Variants in MICAL2 observed in about 807,000 individuals in gnomAD.
MICAL2 encodes microtubule associated monooxygenase, calponin and LIM domain containing 2.
In MICAL2, 77 loss-of-function variants were observed where a neutral mutation model predicts 127.3. That is an observed-to-expected ratio of 0.60 (90% CI 0.50 to 0.73). The LOEUF (loss-of-function observed/expected upper bound fraction) is 0.73. MICAL2 is among the 30% of genes least tolerant of loss of function. The pLI, the probability that MICAL2 is intolerant of heterozygous loss-of-function variation, is 0.00. For synonymous variants in MICAL2, 570 were observed against 551.1 expected (o/e 1.03, Z -0.48); for missense variants, 1,351 against 1,434.4 (o/e 0.94, Z 0.94).
chr11:12,331,869 A>G (rs576709947), intron 32 of MICAL2, among the ~76,000 whole-genome samples: 5 of 152,354 alleles, frequency 3.3e-5, no homozygotes, highest in African/African-American at 1.2e-4. Context: ...CCCTATTATT[A>G]TAAAACACAG....
intron 32 of MICAL2, among the ~76,000 whole-genome samples, chr11:12,328,232 G>C (rs1009628223): frequency 3.9e-5 from 6 of 152,166 alleles, no homozygotes; most frequent in African/African-American, 1.4e-4. Flanking sequence ...TCTACCTTGA[G>C]AAGTTTATAG....
At chr11:12,339,279 G>A (rs1465482769) in intron 32 of MICAL2, among the ~76,000 whole-genome samples, 3 of 152,114 alleles carry the variant, frequency 2.0e-5, no homozygotes, top group Non-Finnish European at 2.9e-5. Flanking sequence ...CGTAGTTCTC[G>A]TGCCGTGGTT....
chr11:12,248,418 T>C (rs1590626858), intron 21 of MICAL2, among the ~76,000 whole-genome samples: 2 of 152,350 alleles, frequency 1.3e-5, no homozygotes, highest in South Asian at 2.1e-4. Context: ...ACTTTCGCTC[T>C]TCCAGAAGGG....
chr11:12,319,789 C>A (rs1197067492), exon 30 of MICAL2: 1 of 1,613,820 alleles, frequency 6.2e-7, no homozygotes, highest in Non-Finnish European at 8.5e-7. Context: ...GAATTTGATC[C>A]CCAGCTTTCC....
At chr11:12,116,728 A>G (rs1346962901) in intron 1 of MICAL2, 1 of 152,174 alleles carries the variant, frequency 6.6e-6, no homozygotes, top group Non-Finnish European at 1.5e-5. Flanking sequence ...TGGGTCAACC[A>G]TGGGGTCTGA....
intron 32 of MICAL2, among the ~76,000 whole-genome samples, chr11:12,328,239 A>G (rs1201309045): frequency 2.0e-5 from 3 of 152,218 alleles, no homozygotes; most frequent in Non-Finnish European, 4.4e-5. Context: ...TGAGAAGTTT[A>G]TAGTCCATTG....
chr11:12,150,977 C>T (rs754052226), intron 2 of MICAL2, among the ~76,000 whole-genome samples: 8 of 152,204 alleles, frequency 5.3e-5, no homozygotes, highest in South Asian at 2.1e-4. Context: ...GTGGGCTCAG[C>T]GCTGTGAGAG....
At chr11:12,125,971 C>T (rs1281726732) in intron 1 of MICAL2, among the ~76,000 whole-genome samples, 1 of 152,128 alleles carries the variant, frequency 6.6e-6, no homozygotes, top group Non-Finnish European at 1.5e-5. Flanking sequence ...TGAGTCAGGG[C>T]TCTGCAGCCT....
At chr11:12,218,828 C>T (rs1030644188) in intron 8 of MICAL2, among the ~76,000 whole-genome samples, 3 of 152,174 alleles carry the variant, frequency 2.0e-5, no homozygotes, top group African/African-American at 2.4e-5. Flanking sequence ...GCTGTAAATG[C>T]GGCACTCTGT....
chr11:12,241,104 C>G lies in MICAL2; in HGVS notation c.2279C>G (p.Ser760Cys). 1 of 1,614,202 alleles carries G rather than the reference C, an allele frequency of 6.2e-7. No individual in the cohort carries two copies. Among genetic ancestry groups the G allele is most frequent in the African/African-American group, 1.3e-5 (1 of 75,058 alleles). The change falls in exon 18 of 28, where the codon TCT (serine) becomes TGT (cysteine). Residue 760 changes from serine (S) to cysteine (C), a missense_variant. By Grantham distance (112) the Ser-to-Cys change is moderately radical. Around this residue, in one of 2 missense-constraint regions of MICAL2, gnomAD observed 752 missense variants for 719.4 expected, o/e 1.05. Transcript: ENST00000683283. ...TCTTCCTCCGGCCCTCCTGTTCACT[C>G]TTGCTGCCCCAAGCCGGAGGAGGCC... ...LCSSSGPPVH[S>C]CCPKPEEATP...
At chr11:12,356,068 A>C (rs1939123124) in intron 34 of MICAL2, among the ~76,000 whole-genome samples, 2 of 152,188 alleles carry the variant, frequency 1.3e-5, no homozygotes, top group Non-Finnish European at 2.9e-5. Flanking sequence ...CAGATTTGAA[A>C]AGTTTAATTT....
chr11:12,292,324 G>C, downstream of MICAL2: 1 of 1,612,978 alleles, frequency 6.2e-7, no homozygotes, highest in Non-Finnish European at 8.5e-7. Context: ...GTCCTGCCCA[G>C]GTGTCAGGAA....
intron 30 of MICAL2, among the ~76,000 whole-genome samples, chr11:12,320,664 C>A (rs1864282929): frequency 6.6e-6 from 1 of 151,848 alleles, no homozygotes; most frequent in South Asian, 2.1e-4. Flanking sequence ...AGGAGGAGAA[C>A]CAAATTTATT....
Position 12,216,181 on chromosome 11 carries a change from G to A in MICAL2, c.848-38G>A, listed in dbSNP as rs377109337. The A allele has an allele frequency of 4.4e-5, 65 of 1,473,864 alleles. No individual in the cohort carries two copies. The African/African-American group carries it at 8.2e-4, about 19-fold the overall frequency. 91.3% of individuals were successfully genotyped at this position (1,473,864 alleles called of 1,614,324 possible). On this transcript the variant is annotated intron_variant, in intron 7 of 27. Transcript: ENST00000683283. The stretch of plus-strand genomic sequence containing the variant: ...GTTCCTGGCACACAGTTGGTGCCGA[G>A]GAAGTAACACTGAGCTTGTGAATGC...
chr11:12,115,583 T>C (rs1849943453), intron 1 of MICAL2, among the ~76,000 whole-genome samples: 1 of 152,202 alleles, frequency 6.6e-6, no homozygotes, highest in Admixed American at 6.5e-5. Context: ...CCTTCCAAAG[T>C]ACTGGGATCA....
intron 29 of MICAL2, among the ~76,000 whole-genome samples, chr11:12,300,342 G>T (rs11022282): frequency 4.6e-5 from 7 of 152,294 alleles, no homozygotes; most frequent in African/African-American, 1.2e-4. Flanking sequence ...ACATAAATAT[G>T]ATGGATTTCA....
intron 15 of MICAL2, among the ~76,000 whole-genome samples, chr11:12,228,611 C>T (rs1187486027): frequency 1.3e-5 from 2 of 152,092 alleles, no homozygotes; most frequent in Non-Finnish European, 2.9e-5. Flanking sequence ...GAGGCGCTGG[C>T]AGAGGCAGAG....
At position 12,242,776 on chromosome 11, in the gene MICAL2, A is replaced by C; in HGVS notation, c.2658+4A>C. ...TGGACACGGGGATTTCCCGCAGGTA[A>C]ACATGGGGCTTTCAGAGCCCCCAGG... On this transcript the variant is annotated splice_donor_region_variant and intron_variant, in intron 20 of 27. Transcript: ENST00000683283. 6.3e-7 allele frequency: 1 copy of C among 1,597,668 alleles called. No individual in the cohort carries two copies. Among genetic ancestry groups the C allele is most frequent in the South Asian group, 1.1e-5 (1 of 88,534 alleles).
intron 3 of MICAL2, among the ~76,000 whole-genome samples, chr11:12,190,338 A>G (rs1033964698): frequency 1.3e-5 from 2 of 152,140 alleles, no homozygotes; most frequent in Non-Finnish European, 2.9e-5. Context: ...TGTGGGTTGG[A>G]TATCAGATGT....
Sources: gnomAD v4.1 joint callset for allele counts (sites outside exome capture counted in the v4.1 genomes callset) on GRCh38, gnomAD v4.1.1 for gene constraint, gnomAD v4.1.1 regional missense constraint, MANE v1.5 for transcripts, NCBI Gene and HGNC (gene_info 2026-07-23, HGNC 2026-07-21) for gene names.